PCDHGA2: variants seen among roughly 807,000 people sequenced by gnomAD.
PCDHGA2 encodes protocadherin gamma-A2.
In PCDHGA2, 40 loss-of-function variants were observed where a neutral mutation model predicts 59.2. The observed-to-expected ratio is 0.68, with a 90% confidence interval of 0.52 to 0.88. The LOEUF (loss-of-function observed/expected upper bound fraction) is 0.88, where lower values mean the gene tolerates loss of function less well. Among genes scored for constraint, PCDHGA2 ranks in the 40% least tolerant of loss-of-function variants. PCDHGA2 has a pLI of 0.00. For synonymous variants in PCDHGA2, 560 were observed against 526.0 expected (o/e 1.06, Z -0.89); for missense variants, 1,226 against 1,204.0 (o/e 1.02, Z -0.27).
intron 1 of PCDHGA2, chr5:141,408,732 AT>A (rs1172232848): frequency 6.2e-7 from 1 of 1,610,014 alleles, no homozygotes; most frequent in Non-Finnish European, 8.5e-7. Context: ...TCTAATCCTT[AT>A]TTTTCATTAA....
chr5:141,412,108 G>A (rs897331971), intron 1 of PCDHGA2: 2 of 152,198 alleles, frequency 1.3e-5, no homozygotes, highest in Admixed American at 6.5e-5. Flanking sequence ...CACAGTTGAA[G>A]ATATGTGAAC....
chr5:141,500,182 A>ATTTT lies in PCDHGA2; in HGVS notation c.2484-5209_2484-5206dup, dbSNP rs1199992745. Among the ~76,000 whole-genome samples the ATTTT allele has an allele frequency of 1.7e-3, 223 of 131,716 alleles. 2 individuals are homozygous for ATTTT. Among genetic ancestry groups the ATTTT allele is most frequent in the African/African-American group, 6.2e-3 (201 of 32,350 alleles). The allele number at this position is 131,716 out of a possible 152,430, so 86.4% of individuals were successfully genotyped here. On this transcript the variant is annotated intron_variant, in intron 2 of 3. Transcript: ENST00000394576. ...AAGAACATGCATGAGCTTCATTTTT[A>ATTTT]TTTTTATTTATTTATTTATTTATTT...
intron 1 of PCDHGA2, chr5:141,427,536 G>T (rs758610182): frequency 1.6e-6 from 1 of 626,396 alleles, no homozygotes; most frequent in Non-Finnish European, 3.0e-6. Context: ...GGAGTACAAC[G>T]TCACCATCAC....
intron 1 of PCDHGA2, chr5:141,371,139 G>T: frequency 6.2e-7 from 1 of 1,614,022 alleles, no homozygotes; most frequent in South Asian, 1.1e-5. Context: ...CATGTACAGG[G>T]TCAATGTTGC....
chr5:141,372,480 T>C (rs777083908), intron 1 of PCDHGA2: 5 of 1,613,930 alleles, frequency 3.1e-6, no homozygotes, highest in African/African-American at 2.7e-5. Flanking sequence ...AGTAGTGGCG[T>C]TGGCCTTGAT....
At chr5:141,397,027 G>A (rs1374788251) in intron 1 of PCDHGA2, among the ~76,000 whole-genome samples, 1 of 152,200 alleles carries the variant, frequency 6.6e-6, no homozygotes, top group Non-Finnish European at 1.5e-5. Flanking sequence ...GTTGACCAAT[G>A]TCCACAAATT....
chr5:141,385,351 T>C, intron 1 of PCDHGA2: 1 of 1,555,976 alleles, frequency 6.4e-7, no homozygotes, highest in Non-Finnish European at 8.7e-7. Flanking sequence ...TTTATTTCCA[T>C]GAGGAATTTA....
chr5:141,346,216 C>G, intron 1 of PCDHGA2: 1 of 1,614,178 alleles, frequency 6.2e-7, no homozygotes, highest in Non-Finnish European at 8.5e-7. Flanking sequence ...CTGCAGGCTT[C>G]GGGAGGCGGC....
rs532517723 is a variant in PCDHGA2, at chr5:141,486,244, A to G, written c.2425-8563A>G. The G allele has an allele frequency of 1.2e-5, 19 of 1,614,068 alleles. No homozygotes were observed. The Admixed American group carries it at 2.3e-4, about 20-fold the overall frequency. On this transcript the variant is annotated intron_variant, in intron 1 of 3. Coordinates refer to ENST00000394576, the MANE Select transcript of PCDHGA2 (RefSeq NM_018915.4). This position sits in a 1 kb window ranked among gnomAD's most constrained non-coding sequence, Gnocchi z 5.0. ...ACATCACAGTGACCTCAGAGCTTGGAACCCTCCCCGAGAGTGCAGAACCTG... is the reference window on the plus strand; with the variant it reads ...ACATCACAGTGACCTCAGAGCTTGGGACCCTCCCCGAGAGTGCAGAACCTG...
At chr5:141,344,423 T>G in intron 1 of PCDHGA2, 1 of 1,612,772 alleles carries the variant, frequency 6.2e-7, no homozygotes, top group Non-Finnish European at 8.5e-7. Flanking sequence ...ATGATAATGC[T>G]CCTAATTTCC....
chr5:141,346,312 C>T, intron 1 of PCDHGA2: 1 of 1,614,242 alleles, frequency 6.2e-7, no homozygotes, highest in Admixed American at 1.7e-5. Context: ...GTCTCCCTCA[C>T]TGCGGACTCG....
rs748972821 is a variant in PCDHGA2 at position 141,476,094 on chromosome 5, GAGAGGAACT to G, written c.2425-18712_2425-18704del. ...TCTCAGGGACGATCTGGACCCCGCT[GAGAGGAACT>G]GCTTTTGAGTGAGATGGTCCCAGAG... is the stretch of plus-strand genomic sequence containing the variant. On this transcript the variant is annotated intron_variant, in intron 1 of 3. Coordinates refer to ENST00000394576, the MANE Select transcript of PCDHGA2 (RefSeq NM_018915.4). This position sits in a 1 kb window ranked among gnomAD's most constrained non-coding sequence, Gnocchi z 7.6. 6.4e-7 allele frequency: 1 copy of G among 1,568,172 alleles called. No individual in the cohort carries two copies. The highest frequency in any genetic ancestry group is 1.2e-5 in the South Asian group (1 of 85,292).
At chr5:141,404,323 C>G (rs777252767) in intron 1 of PCDHGA2, 24 of 1,613,756 alleles carry the variant, frequency 1.5e-5, no homozygotes, top group Non-Finnish European at 2.0e-5. Flanking sequence ...AAGCCTCCTA[C>G]TCAGTCTACC....
chr5:141,490,549 C>T lies in PCDHGA2; in HGVS notation c.2425-4258C>T, dbSNP rs2099701539. ...TGCTGGTTCACCTTCCCTACACAAA[C>T]ATCTCACCATCAGGCTCAACATTTC... On this transcript the variant is annotated intron_variant, in intron 1 of 3. Transcript: ENST00000394576. The surrounding 1 kb of genome is among the most constrained non-coding windows in gnomAD (Gnocchi z 5.4). The T allele has an allele frequency of 1.9e-6, 3 of 1,614,178 alleles. No homozygotes were observed. The highest frequency in any genetic ancestry group is 1.7e-6 in the Non-Finnish European group (2 of 1,180,024).
chr5:141,400,387 C>T, intron 1 of PCDHGA2: 2 of 1,614,068 alleles, frequency 1.2e-6, no homozygotes, highest in Non-Finnish European at 1.7e-6. Context: ...ATGTGTTGCA[C>T]ATACAGGAAA....
At chr5:141,422,696 ACT>A in intron 1 of PCDHGA2, 1 of 1,602,756 alleles carries the variant, frequency 6.2e-7, no homozygotes, top group Non-Finnish European at 8.5e-7. Flanking sequence ...CTGGTCACTT[ACT>A]CTCTGACGGA....
chr5:141,456,122 C>A (rs1411002229), intron 1 of PCDHGA2, among the ~76,000 whole-genome samples: 1 of 152,176 alleles, frequency 6.6e-6, no homozygotes, highest in East Asian at 1.9e-4. Context: ...TGGTCTCCAT[C>A]TCCTGACCTC....
intron 1 of PCDHGA2, chr5:141,398,687 A>T (rs940121215): frequency 1.9e-6 from 3 of 1,613,940 alleles, no homozygotes; most frequent in Non-Finnish European, 2.5e-6. Context: ...GAGAAACAGG[A>T]TGGTAGTAAA....
At chr5:141,370,324 C>T (rs1766812702) in intron 1 of PCDHGA2, 1 of 1,378,622 alleles carries the variant, frequency 7.3e-7, no homozygotes, top group African/African-American at 1.4e-5. Flanking sequence ...TGGTCCTGCT[C>T]GGAGAACTCT....
Sources: allele counts gnomAD v4.1 joint callset (sites outside exome capture counted in the v4.1 genomes callset), GRCh38; gene constraint gnomAD v4.1.1; non-coding constraint Gnocchi (gnomAD v3.1); transcripts MANE v1.5; gene names NCBI Gene and HGNC (gene_info 2026-07-23, HGNC 2026-07-21).